The following ENOX1 variants were observed in gnomAD, a reference collection of about 807,000 sequenced individuals.
The protein encoded by ENOX1 is ecto-NOX disulfide-thiol exchanger 1, also known as candidate growth-related and time keeping constitutive hydroquinone (NADH) oxidase.
In ENOX1, 42 loss-of-function variants were observed where a neutral mutation model predicts 82.5. The ratio of observed to expected loss-of-function variants is 0.51; its 90% CI spans 0.40 to 0.66. The LOEUF is 0.66. Ranked by LOEUF, ENOX1 falls within the 30% of genes least tolerant of loss-of-function variation. The pLI is 0.00. For missense variants in ENOX1, 608 were observed against 811.6 expected (o/e 0.75, Z 3.05); for synonymous variants, 271 against 282.2 (o/e 0.96, Z 0.40).
intron 1 of ENOX1, among the ~76,000 whole-genome samples, chr13:43,710,193 A>C (rs1230614624): frequency 8.5e-5 from 13 of 152,270 alleles, no homozygotes; most frequent in African/African-American, 2.6e-4. Context: ...CAGGGCAAGG[A>C]GACTATGGCA....
At chr13:43,735,799 T>C (rs2089600247) in intron 1 of ENOX1, among the ~76,000 whole-genome samples, 1 of 152,134 alleles carries the variant, frequency 6.6e-6, no homozygotes, top group African/African-American at 2.4e-5. Context: ...TCAAAATCTC[T>C]ACAGTGGTAG....
At chr13:43,502,675 T>C (rs906483922) in intron 2 of ENOX1, among the ~76,000 whole-genome samples, 1 of 151,450 alleles carries the variant, frequency 6.6e-6, no homozygotes, top group Non-Finnish European at 1.5e-5. Flanking sequence ...TAATAAAAAC[T>C]TAACAAATTA....
intron 2 of ENOX1, among the ~76,000 whole-genome samples, chr13:43,540,459 A>C (rs1375323284): frequency 6.6e-6 from 1 of 152,244 alleles, no homozygotes; most frequent in Non-Finnish European, 1.5e-5. Context: ...AAAAAACTAA[A>C]AACAAGTATT....
chr13:43,231,359 GAGAGAAACTGT>G (rs1401798457), intron 15 of ENOX1, among the ~76,000 whole-genome samples: 1 of 152,212 alleles, frequency 6.6e-6, no homozygotes, highest in African/African-American at 2.4e-5. Context: ...ATGGGAAGTG[GAGAGAAACTGT>G]AGGAAACCGA....
chr13:43,610,445 A>G (rs907850329), intron 2 of ENOX1, among the ~76,000 whole-genome samples: 7 of 152,196 alleles, frequency 4.6e-5, no homozygotes, highest in African/African-American at 1.4e-4. Flanking sequence ...TCAAAATGAT[A>G]TTTTTAAAGT....
Position 43,354,775 on chromosome 13 carries a change from A to C in ENOX1, c.823+1144T>G, listed in dbSNP as rs867557885. On this transcript the variant is annotated intron_variant, in intron 8 of 16. Coordinates refer to ENST00000690772, the MANE Select transcript of ENOX1 (RefSeq NM_001347969.2). ...ACCTCACTCTAGAAAGGCAGCTTCT[A>C]TGCTGAATTCCTTTCTGCTTCTGTG... Among the ~76,000 whole-genome samples the C allele has an allele frequency of 3.3e-5, 5 of 152,338 alleles. No homozygotes were observed. The South Asian group carries it at 6.2e-4, about 19-fold the overall frequency.
At chr13:43,237,177 G>T (rs2042588672) in intron 14 of ENOX1, among the ~76,000 whole-genome samples, 1 of 152,208 alleles carries the variant, frequency 6.6e-6, no homozygotes, top group Admixed American at 6.5e-5. Context: ...AGCTAAGATA[G>T]AATTGTTAGA....
At chr13:43,640,629 ACT>A (rs1329493471) in intron 2 of ENOX1, among the ~76,000 whole-genome samples, 3 of 151,970 alleles carry the variant, frequency 2.0e-5, no homozygotes, top group Admixed American at 6.6e-5. Flanking sequence ...ATCCTTTATA[ACT>A]CTCATTCTCA....
chr13:43,665,354 C>G (rs1204842959), intron 2 of ENOX1, among the ~76,000 whole-genome samples: 1 of 152,130 alleles, frequency 6.6e-6, no homozygotes, highest in Non-Finnish European at 1.5e-5. Context: ...ACCTTGAGAC[C>G]AGTATCCTAA....
rs574518629 is a variant in ENOX1 at position 43,261,487 on chromosome 13, A to C, written c.1611+3911T>G. Among the ~76,000 whole-genome samples, 218 of 152,344 alleles carry C rather than the reference A, an allele frequency of 1.4e-3. 1 individual carries two copies. The highest frequency in any genetic ancestry group is 5.1e-3 in the African/African-American group (213 of 41,576). The stretch of plus-strand genomic sequence containing the variant: ...TGTTAATTACAGATTTATAATAGCA[A>C]AAACAGGAAGTTAAATGCCTGACAC... On this transcript the variant is annotated intron_variant, in intron 14 of 16. Coordinates refer to ENST00000690772, the MANE Select transcript of ENOX1 (RefSeq NM_001347969.2).
intron 14 of ENOX1, among the ~76,000 whole-genome samples, chr13:43,239,356 G>A (rs2042705299): frequency 6.6e-6 from 1 of 152,134 alleles, no homozygotes; most frequent in African/African-American, 2.4e-5. Context: ...TGTGAGTTTT[G>A]TCCAGGTTGG....
At chr13:43,614,443 A>G (rs995992975) in intron 2 of ENOX1, among the ~76,000 whole-genome samples, 3 of 152,036 alleles carry the variant, frequency 2.0e-5, no homozygotes, top group Admixed American at 2.0e-4. Context: ...GATTCCTGCA[A>G]GAACCTCACA....
intron 1 of ENOX1, among the ~76,000 whole-genome samples, chr13:43,765,462 C>T (rs919750177): frequency 3.9e-5 from 6 of 152,142 alleles, no homozygotes; most frequent in African/African-American, 1.4e-4. Context: ...CTATGAAAGG[C>T]ACCCCAACTC....
At chr13:43,455,263 T>C (rs2057171480) in intron 3 of ENOX1, among the ~76,000 whole-genome samples, 1 of 152,218 alleles carries the variant, frequency 6.6e-6, no homozygotes, top group East Asian at 1.9e-4. Flanking sequence ...GTCTTCTAGC[T>C]TCCAGTATTG....
At chr13:43,519,409 A>C (rs370181737) in intron 2 of ENOX1, among the ~76,000 whole-genome samples, 10 of 152,308 alleles carry the variant, frequency 6.6e-5, no homozygotes, top group African/African-American at 2.2e-4. Flanking sequence ...TAGCCTAAAA[A>C]CAAAACTTCA....
intron 2 of ENOX1, among the ~76,000 whole-genome samples, chr13:43,520,226 C>G (rs1593605452): frequency 6.6e-6 from 1 of 152,194 alleles, no homozygotes; most frequent in East Asian, 1.9e-4. Context: ...CTGGATAGTA[C>G]CCATTCTCAA....
intron 1 of ENOX1, among the ~76,000 whole-genome samples, chr13:43,712,635 C>A (rs1206289424): frequency 1.3e-5 from 2 of 151,038 alleles, no homozygotes; most frequent in East Asian, 3.9e-4. Context: ...TCCTTCACAT[C>A]CCTTGTAAGT....
intron 1 of ENOX1, among the ~76,000 whole-genome samples, chr13:43,710,945 T>C (rs2153813335): frequency 6.6e-6 from 1 of 152,276 alleles, no homozygotes; most frequent in East Asian, 1.9e-4. Context: ...CTTTAAGTTT[T>C]AGGTTACATG....
chr13:43,228,834 A>G (rs1388890777), intron 15 of ENOX1, among the ~76,000 whole-genome samples: 3 of 152,226 alleles, frequency 2.0e-5, no homozygotes, highest in East Asian at 1.9e-4. Context: ...ATGAAAAATA[A>G]AAATTTTTAG....
Sources: gnomAD v4.1 joint callset for allele counts (sites outside exome capture counted in the v4.1 genomes callset) on GRCh38, gnomAD v4.1.1 for gene constraint, MANE v1.5 for transcripts, NCBI Gene and HGNC (gene_info 2026-07-23, HGNC 2026-07-21) for gene names.